JCAD: variants seen among roughly 807,000 people sequenced by gnomAD.
The protein encoded by JCAD is junctional cadherin 5-associated protein.
A neutral mutation model predicts 98.0 loss-of-function variants in JCAD; 40 were observed. The ratio of observed to expected loss-of-function variants is 0.41; its 90% CI spans 0.32 to 0.53. The LOEUF is 0.53. Among genes scored for constraint, JCAD ranks in the 20% least tolerant of loss-of-function variants. The probability of loss-of-function intolerance (pLI) is 0.31; values close to 1 mark genes in which losing one functional copy is unlikely to be tolerated. For missense variants in JCAD, 1,705 were observed against 1,738.1 expected, an observed-to-expected ratio of 0.98 and a Z score of 0.34; for synonymous variants, 691 against 682.3, an observed-to-expected ratio of 1.01 and a Z score of -0.20.
intron 2 of JCAD, among the ~76,000 whole-genome samples, chr10:30,037,999 A>G (rs936699774): frequency 3.3e-5 from 5 of 151,998 alleles, no homozygotes; most frequent in Non-Finnish European, 7.4e-5. Flanking sequence ...GCCAGCCACA[A>G]GACCATAATA....
intron 1 of JCAD, among the ~76,000 whole-genome samples, chr10:30,079,351 A>G (rs1838036686): frequency 1.4e-5 from 2 of 146,008 alleles, no homozygotes; most frequent in Admixed American, 6.7e-5. Context: ...CATCTCAAAA[A>G]AAAAAAAAAA....
At chr10:30,029,890 G>A (rs745494043) in intron 2 of JCAD, 24 bp from the exon 3 acceptor site, 17 of 1,594,586 alleles carry the variant, frequency 1.1e-5, no homozygotes, top group Admixed American at 1.8e-5. Context: ...AGTCACAGAC[G>A]TTAGGCACAG....
chr10:30,056,095 G>T (rs1837565882), intron 1 of JCAD, among the ~76,000 whole-genome samples: 1 of 152,088 alleles, frequency 6.6e-6, no homozygotes, highest in African/African-American at 2.4e-5. Context: ...ACTCAAACTG[G>T]ATAAGATTTT....
intron 1 of JCAD, among the ~76,000 whole-genome samples, chr10:30,070,336 T>C (rs1425145133): frequency 1.3e-5 from 2 of 152,164 alleles, no homozygotes; most frequent in Non-Finnish European, 2.9e-5. Flanking sequence ...GATAATTTAG[T>C]GCATTTTTCC....
At position 30,027,502 on chromosome 10, in the gene JCAD, G is replaced by T. The variant is rs1836851924; in HGVS notation, c.2646C>A (p.Arg882=). ...AHCRQEDVGF[R]GNSPEMRVEP... is the part of the protein sequence containing the mutation. ...CAACCCTCATTTCCGGGCTGTTTCC[G>T]CGGAAGCCCACATCCTCCTGTCTGC... is the stretch of plus-strand genomic sequence containing the variant. Residue 882 remains arginine (R), a synonymous_variant, in exon 3 of 4, where the codon CGC becomes CGA. Transcript: ENST00000375377. 6.2e-7 allele frequency: 1 copy of T among 1,609,584 alleles called. No homozygotes were observed. The highest frequency in any genetic ancestry group is 8.5e-7 in the Non-Finnish European group (1 of 1,179,994).
At chr10:30,092,127 A>ATAT (rs1589715617) in intron 1 of JCAD, among the ~76,000 whole-genome samples, 1 of 80,892 alleles carries the variant, frequency 1.2e-5, no homozygotes, top group Non-Finnish European at 2.1e-5. Flanking sequence ...TATATATATA[A>ATAT]AAAACATTTT....
Position 30,029,188 on chromosome 10 carries a change from G to A in JCAD, c.960C>T (p.Asp320=), listed in dbSNP as rs147861624. 5.2e-4 allele frequency: 834 copies of A among 1,614,162 alleles called. 8 individuals are homozygous for A. The African/African-American group carries it at 9.5e-3, about 18-fold the overall frequency. ...SSDSQDSQQM[D]AYVPRHELCL... is the part of the protein sequence containing the mutation. ...AGAGCTCATGCCTGGGGACATAGGC[G>A]TCCATCTGCTGGCTGTCCTGAGAGT... Residue 320 remains aspartate (D), a synonymous_variant, in exon 3 of 4, where the codon GAC becomes GAT. Transcript: ENST00000375377.
At chr10:30,021,226 T>A (rs950285712) in intron 3 of JCAD, among the ~76,000 whole-genome samples, 2 of 152,166 alleles carry the variant, frequency 1.3e-5, no homozygotes, top group Non-Finnish European at 2.9e-5. Flanking sequence ...AGAGACAGGG[T>A]CTCACTCTGT....
At chr10:30,029,927 T>G in intron 2 of JCAD, 61 bp from the exon 3 acceptor site, 1 of 1,506,442 alleles carries the variant, frequency 6.6e-7, no homozygotes, top group Admixed American at 2.2e-5. Context: ...TCTGCTTCTG[T>G]GACTGGCATT....
chr10:30,027,416 C>A lies in JCAD; in HGVS notation c.2732G>T (p.Ser911Ile). 6.2e-7 allele frequency: 1 copy of A among 1,604,748 alleles called. No homozygotes were observed. The change falls in exon 3 of 4, where the codon AGT becomes ATT. Residue 911 changes from serine (S) to isoleucine (I), a missense_variant. Coordinates refer to ENST00000375377, the MANE Select transcript of JCAD (RefSeq NM_020848.4). ...CTCCTCACTCCAGCTCTCAGACTTACTCTCACCTCTTCCCGACCTACACAC... is the reference window on the plus strand; with the variant it reads ...CTCCTCACTCCAGCTCTCAGACTTAATCTCACCTCTTCCCGACCTACACAC... Reference protein sequence around the residue: ...SPVCRSGRGESKSESWSEELQ... With the variant: ...SPVCRSGRGEIKSESWSEELQ...
intron 1 of JCAD, among the ~76,000 whole-genome samples, chr10:30,108,692 C>T (rs1409176699): frequency 6.6e-6 from 1 of 152,082 alleles, no homozygotes; most frequent in Admixed American, 6.5e-5. Context: ...TCACTAAGTC[C>T]GTGGGAGGAG....
intron 2 of JCAD, among the ~76,000 whole-genome samples, chr10:30,046,840 C>T (rs2132642532): frequency 6.6e-6 from 1 of 152,246 alleles, no homozygotes; most frequent in East Asian, 1.9e-4. Flanking sequence ...GACTCTAATC[C>T]CAGTGCTCTG....
intron 2 of JCAD, among the ~76,000 whole-genome samples, chr10:30,044,534 G>T (rs894250151): frequency 2.6e-5 from 4 of 152,170 alleles, no homozygotes; most frequent in Non-Finnish European, 4.4e-5. Context: ...CCCTAGACCG[G>T]GAGGCCAGCC....
chr10:30,076,657 G>T (rs920795757), intron 1 of JCAD, among the ~76,000 whole-genome samples: 2 of 152,090 alleles, frequency 1.3e-5, no homozygotes, highest in African/African-American at 4.8e-5. Flanking sequence ...AATTAGGAAG[G>T]ATTATCTATG....
At chr10:30,087,094 C>T (rs1589712757) in intron 1 of JCAD, among the ~76,000 whole-genome samples, 2 of 152,264 alleles carry the variant, frequency 1.3e-5, no homozygotes, top group East Asian at 3.9e-4. Flanking sequence ...GACTCCTCTC[C>T]ACTTTTTTAT....
intron 3 of JCAD, among the ~76,000 whole-genome samples, chr10:30,024,688 ATTT>A (rs35394945): frequency 2.3e-4 from 23 of 100,686 alleles, no homozygotes; most frequent in African/African-American, 9.1e-4. Context: ...GCCCATGTAC[ATTT>A]TTTTTTTTTT....
At position 30,059,444 on chromosome 10, in the gene JCAD, G is replaced by C. The variant is rs1373131604; in HGVS notation, c.-60+38C>G. The C allele has an allele frequency of 6.6e-6, 1 of 151,668 alleles. No homozygotes were observed. The highest frequency in any genetic ancestry group is 2.4e-5 in the African/African-American group (1 of 41,356). 9.4% of individuals were successfully genotyped at this position (151,668 alleles called of 1,614,324 possible). On this transcript the variant is annotated intron_variant, in intron 1 of 3. Transcript: ENST00000375377. The surrounding 1 kb of genome is among the most constrained non-coding windows in gnomAD (Gnocchi z 5.0). ...AAGCGCCGTGGGAGCGGCCCTAATG[G>C]ACGGTGGGAGCCAGGAGGGTTAGAC...
At chr10:30,090,996 T>TA (rs1348882058) in intron 1 of JCAD, among the ~76,000 whole-genome samples, 2 of 152,154 alleles carry the variant, frequency 1.3e-5, no homozygotes, top group Non-Finnish European at 2.9e-5. Context: ...CCCACTGACT[T>TA]ACTCAGACCA....
intron 3 of JCAD, among the ~76,000 whole-genome samples, chr10:30,019,220 G>T (rs534915815): frequency 8.2e-4 from 125 of 152,082 alleles, no homozygotes; most frequent in African/African-American, 2.9e-3. Context: ...AACCAGGCAT[G>T]GTGGTACGTG....
Sources: gnomAD v4.1 joint callset for allele counts (sites outside exome capture counted in the v4.1 genomes callset) on GRCh38, gnomAD v4.1.1 for gene constraint, Gnocchi (gnomAD v3.1) non-coding constraint, MANE v1.5 for transcripts, NCBI Gene and HGNC (gene_info 2026-07-23, HGNC 2026-07-21) for gene names.